The following TRAK2 variants were observed in gnomAD, a reference collection of about 807,000 sequenced individuals.
TRAK2 encodes trafficking kinesin protein 2.
In TRAK2, 81 loss-of-function variants were observed where a neutral mutation model predicts 104.6. The observed-to-expected ratio is 0.77, with a 90% confidence interval of 0.65 to 0.93. TRAK2 has a LOEUF of 0.93. TRAK2 is among the 40% of genes least tolerant of loss of function. The pLI is 0.00. For synonymous variants in TRAK2, 406 were observed against 394.4 expected (o/e 1.03, Z -0.35); for missense variants, 1,002 against 1,089.0 (o/e 0.92, Z 1.12).
In TRAK2 at chr2:201,377,572, G is replaced by A. The variant is rs1951300330; in HGVS notation, c.*2971C>T. ...AAAGATAACAAGCTTTGAGTACTGT[G>A]TAAAATTATACCCTTTATAGGGAAT... On this transcript the variant is annotated 3_prime_UTR_variant, in exon 16 of 16. Coordinates refer to ENST00000332624, the MANE Select transcript of TRAK2 (RefSeq NM_015049.3). 6.6e-6 allele frequency: 1 copy of A among 152,598 alleles called. No homozygotes were observed. Among genetic ancestry groups the A allele is most frequent in the South Asian group, 2.1e-4 (1 of 4,836 alleles). 9.5% of individuals were successfully genotyped at this position (152,598 alleles called of 1,614,324 possible). A position where few individuals can be genotyped will look rare whatever the true frequency, so the allele number is the denominator to read the frequency against.
intron 2 of TRAK2, chr2:201,411,137 G>C (rs1278411161): frequency 1.9e-5 from 16 of 822,536 alleles, no homozygotes; most frequent in East Asian, 7.3e-5. Context: ...TAACAGAAAG[G>C]CTAGTCAAAG....
chr2:201,393,879 C>A (rs1467497763), intron 9 of TRAK2, among the ~76,000 whole-genome samples: 1 of 152,114 alleles, frequency 6.6e-6, no homozygotes, highest in Non-Finnish European at 1.5e-5. Flanking sequence ...TCTCAAATAG[C>A]GGGGACCACA....
intron 1 of TRAK2, among the ~76,000 whole-genome samples, chr2:201,425,858 G>A (rs764530232): frequency 6.6e-5 from 10 of 151,956 alleles, no homozygotes; most frequent in East Asian, 5.8e-4. Flanking sequence ...ACAGAGCTGC[G>A]GTTCTTTTAA....
rs538316517 is a variant in TRAK2 at position 201,440,017 on chromosome 2, T to C, written c.-200+11333A>G. Among the ~76,000 whole-genome samples, 3 of 149,250 alleles carry C rather than the reference T, an allele frequency of 2.0e-5. No individual in the cohort carries two copies. The South Asian group carries it at 6.5e-4, about 32-fold the overall frequency. On this transcript the variant is annotated intron_variant, in intron 1 of 15. Transcript: ENST00000332624. ...AGTTAATGGGTGCAGCACACCAGCA[T>C]GGCACATGTATACATATGTAACTAA... is the stretch of plus-strand genomic sequence containing the variant.
At chr2:201,381,517 C>T (rs1035903700) in intron 15 of TRAK2, among the ~76,000 whole-genome samples, 1 of 152,078 alleles carries the variant, frequency 6.6e-6, no homozygotes, top group Admixed American at 6.6e-5. Context: ...TAAATTTTAA[C>T]TCTAAAATGT....
chr2:201,414,808 A>G (rs1310501952), intron 2 of TRAK2, among the ~76,000 whole-genome samples: 1 of 152,040 alleles, frequency 6.6e-6, no homozygotes, highest in Non-Finnish European at 1.5e-5. Flanking sequence ...ATACATGCAG[A>G]GCTAAAAACA....
intron 1 of TRAK2, among the ~76,000 whole-genome samples, chr2:201,434,504 G>A (rs959518169): frequency 1.2e-4 from 18 of 152,040 alleles, no homozygotes; most frequent in African/African-American, 4.3e-4. Context: ...CCTTGCTCTG[G>A]AGTATACTTT....
intron 14 of TRAK2, among the ~76,000 whole-genome samples, chr2:201,384,870 A>G (rs1951374530): frequency 6.6e-6 from 1 of 152,226 alleles, no homozygotes; most frequent in African/African-American, 2.4e-5. Context: ...GGAAGGATGT[A>G]TTAAGCACTC....
chr2:201,389,609 A>G (rs1305595582), intron 11 of TRAK2, 106 bp from the exon 12 acceptor site: 1 of 1,154,768 alleles, frequency 8.7e-7, no homozygotes, highest in Non-Finnish European at 1.3e-6. Context: ...CTGAGGAGCT[A>G]TTTAGGAGAA....
intron 11 of TRAK2, 36 bp from the exon 12 acceptor site, chr2:201,389,539 T>C (rs1168332156): frequency 6.3e-7 from 1 of 1,582,674 alleles, no homozygotes. Flanking sequence ...TTATCACTGC[T>C]AGCCACTAAA....
At position 201,384,165 on chromosome 2, in the gene TRAK2, G is replaced by C; in HGVS notation, c.2015C>G (p.Thr672Ser). Residue 672 changes from threonine to serine, a missense_variant, in exon 15 of 16, where the codon ACT becomes AGT. Transcript: ENST00000332624. The part of the protein sequence containing the change: ...KCLSCTNSTF[T>S]FTTCRILHPS... ...ATGTAATATTCTACAGGTGGTGAAA[G>C]TGAATGTTGAGTTTGTGCACGACAG... is the stretch of plus-strand genomic sequence containing the variant. 4.3e-6 allele frequency: 7 copies of C among 1,613,674 alleles called. No individual in the cohort carries two copies. The highest frequency in any genetic ancestry group is 5.9e-6 in the Non-Finnish European group (7 of 1,179,740).
At chr2:201,444,924 A>G (rs1167195746) in intron 1 of TRAK2, among the ~76,000 whole-genome samples, 2 of 152,200 alleles carry the variant, frequency 1.3e-5, no homozygotes, top group East Asian at 3.9e-4. Context: ...CTCCATTGTT[A>G]CACAATAGAG....
Position 201,447,209 on chromosome 2 carries a change from C to G in TRAK2, c.-200+4141G>C, listed in dbSNP as rs1951971441. Among the ~76,000 whole-genome samples, 1 of 152,218 alleles carries G rather than the reference C, an allele frequency of 6.6e-6. No homozygotes were observed. The highest frequency in any genetic ancestry group is 6.5e-5 in the Admixed American group (1 of 15,280). ...CTTCCTTAGGATAAAGTTTAAGCCC[C>G]TTGGCATCTCATGTAAAATCTTCCT... On this transcript the variant is annotated intron_variant, in intron 1 of 15. Transcript: ENST00000332624. The surrounding 1 kb of genome is among the most constrained non-coding windows in gnomAD (Gnocchi z 4.1).
chr2:201,411,783 T>C, intron 2 of TRAK2: 1 of 798,348 alleles, frequency 1.3e-6, no homozygotes, highest in Non-Finnish European at 2.3e-6. Flanking sequence ...TTCCAAAATC[T>C]TTCCTAAGCA....
intron 3 of TRAK2, among the ~76,000 whole-genome samples, chr2:201,405,879 G>A (rs1305696396): frequency 1.3e-5 from 2 of 152,184 alleles, no homozygotes; most frequent in Non-Finnish European, 2.9e-5. Flanking sequence ...CTACTCAGGA[G>A]GCTGAGGCAG....
chr2:201,387,293 C>T (rs935619740), intron 13 of TRAK2, among the ~76,000 whole-genome samples: 28 of 152,152 alleles, frequency 1.8e-4, no homozygotes, highest in Non-Finnish European at 4.4e-5. Flanking sequence ...ACACACACCT[C>T]TAAGTCAATT....
At chr2:201,390,824 T>A (rs1951441266) in intron 10 of TRAK2, among the ~76,000 whole-genome samples, 1 of 149,378 alleles carries the variant, frequency 6.7e-6, no homozygotes, top group African/African-American at 2.5e-5. Context: ...AAAAATCATT[T>A]AAAAAAAAAG....
chr2:201,386,111 G>C, intron 14 of TRAK2, 107 bp downstream of exon 14: 1 of 1,214,480 alleles, frequency 8.2e-7, no homozygotes, highest in Non-Finnish European at 1.2e-6. Flanking sequence ...TGATATGCAA[G>C]ATTAAGTACC....
chr2:201,384,580 C>G (rs886779795), intron 14 of TRAK2, among the ~76,000 whole-genome samples: 2 of 152,096 alleles, frequency 1.3e-5, no homozygotes, highest in Non-Finnish European at 2.9e-5. Flanking sequence ...CATGTCAAAG[C>G]TACTTTCATA....
Sources: gnomAD v4.1 joint callset for allele counts (sites outside exome capture counted in the v4.1 genomes callset) on GRCh38, gnomAD v4.1.1 for gene constraint, Gnocchi (gnomAD v3.1) non-coding constraint, MANE v1.5 for transcripts, NCBI Gene and HGNC (gene_info 2026-07-23, HGNC 2026-07-21) for gene names.